The following VARS2 variants were observed in gnomAD, a reference collection of about 807,000 sequenced individuals.
The protein encoded by VARS2 is valyl-tRNA synthetase 2, mitochondrial, also known as valine--tRNA ligase, mitochondrial.
VARS2 carries 105 observed loss-of-function variants against 154.1 expected under a neutral mutation model. The observed-to-expected ratio is 0.68, with a 90% confidence interval of 0.58 to 0.80. The LOEUF (loss-of-function observed/expected upper bound fraction) is 0.80, where lower values mean the gene tolerates loss of function less well. Ranked by LOEUF, VARS2 falls within the 30% of genes least tolerant of loss-of-function variation. The pLI, the probability that VARS2 is intolerant of heterozygous loss-of-function variation, is 0.00. For missense variants in VARS2, 1,157 were observed against 1,361.4 expected (o/e 0.85, Z 2.36); for synonymous variants, 483 against 539.5 (o/e 0.90, Z 1.45).
rs1240783075 is a variant in VARS2 at position 30,916,490 on chromosome 6, A to G, written c.671+241A>G. The G allele has an allele frequency of 9.4e-6, 3 of 318,002 alleles. No homozygotes were observed. The highest frequency in any genetic ancestry group is 1.6e-5 in the Non-Finnish European group (3 of 181,932). The allele number at this position is 318,002 out of a possible 1,614,324, so 19.7% of individuals were successfully genotyped here. A position where few individuals can be genotyped will look rare whatever the true frequency, so the allele number is the denominator to read the frequency against. ...TGTGTGTGTGTGTATTTATATATAT[A>G]TATATATTTTCTTTCTCTTTACTTA... is the stretch of plus-strand genomic sequence containing the variant. On this transcript the variant is annotated intron_variant, in intron 7 of 29. Coordinates refer to ENST00000676266, the MANE Select transcript of VARS2 (RefSeq NM_020442.6). The surrounding 1 kb of genome is among the most constrained non-coding windows in gnomAD (Gnocchi z 4.0).
Position 30,917,684 on chromosome 6 carries a change from G to A in VARS2, c.874-11G>A, listed in dbSNP as rs545953541. 7 of 1,547,644 alleles carry A rather than the reference G, an allele frequency of 4.5e-6. No individual in the cohort carries two copies. Among genetic ancestry groups the A allele is most frequent in the African/African-American group, 2.7e-5 (2 of 72,782 alleles). On this transcript the variant is annotated splice_polypyrimidine_tract_variant and intron_variant, in intron 9 of 29. Transcript: ENST00000676266. The surrounding 1 kb of genome is among the most constrained non-coding windows in gnomAD (Gnocchi z 4.4). ...GGCTGCCCTCTGACCCAGCTTTCTC[G>A]GTGCCTCCAGGTGGAGAACCGGCCC...
At position 30,916,325 on chromosome 6, in the gene VARS2, A is replaced by C; in HGVS notation, c.671+76A>C. 8.0e-7 allele frequency: 1 copy of C among 1,255,306 alleles called. No individual in the cohort carries two copies. The highest frequency in any genetic ancestry group is 1.1e-6 in the Non-Finnish European group (1 of 906,608). 77.8% of individuals were successfully genotyped at this position (1,255,306 alleles called of 1,614,324 possible). ...TTGCCTCCCACCACTATCACTCCTGACTTGTAATCCTTGGCTCTTCCCGAC... is the reference window on the plus strand; with the variant it reads ...TTGCCTCCCACCACTATCACTCCTGCCTTGTAATCCTTGGCTCTTCCCGAC... On this transcript the variant is annotated intron_variant, in intron 7 of 29. Transcript: ENST00000676266. The surrounding 1 kb of genome is among the most constrained non-coding windows in gnomAD (Gnocchi z 4.0).
At chr6:30,924,323 C>G in intron 25 of VARS2, 31 bp from the exon 26 acceptor site, 3 of 1,608,984 alleles carry the variant, frequency 1.9e-6, no homozygotes, top group Non-Finnish European at 2.5e-6. Flanking sequence ...TGGCCCTGGA[C>G]CTGTCCTCTG....
At chr6:30,915,949 C>G (rs749268849) in intron 5 of VARS2, 32 bp from the exon 6 acceptor site, 17 of 1,614,100 alleles carry the variant, frequency 1.1e-5, no homozygotes, top group Non-Finnish European at 1.4e-5. Flanking sequence ...CATTTAAGCT[C>G]AGGGGCTCAC....
Position 30,922,563 on chromosome 6 carries a change from G to C in VARS2, c.2037+9G>C. ...GTGGGGTGGAGATGCAGGTGAGGAC[G>C]AAGCACCCACTAGAGGGACAAGGTT... On this transcript the variant is annotated intron_variant, in intron 21 of 29. Transcript: ENST00000676266. 1 of 1,557,736 alleles carries C rather than the reference G, an allele frequency of 6.4e-7. No homozygotes were observed. Among genetic ancestry groups the C allele is most frequent in the Non-Finnish European group, 8.7e-7 (1 of 1,151,814 alleles).
chr6:30,914,743 A>G (rs1373067056), intron 1 of VARS2, 67 bp from the exon 2 acceptor site: 19 of 1,441,238 alleles, frequency 1.3e-5, no homozygotes, highest in Non-Finnish European at 1.8e-5. Flanking sequence ...GACAGGAAAG[A>G]TGGAACAAGG....
In VARS2 at chr6:30,917,887, C is replaced by T; in HGVS notation, c.985+81C>T. On this transcript the variant is annotated intron_variant, in intron 10 of 29. Coordinates refer to ENST00000676266, the MANE Select transcript of VARS2 (RefSeq NM_020442.6). The surrounding 1 kb of genome is among the most constrained non-coding windows in gnomAD (Gnocchi z 4.4). ...AAGCCCATGTTGGGCTGCTAGGAAC[C>T]CATCAGTCCATCTCTCACATGTACC... The T allele has an allele frequency of 7.4e-7, 1 of 1,345,894 alleles. No homozygotes were observed. 83.4% of individuals were successfully genotyped at this position (1,345,894 alleles called of 1,614,324 possible).
rs1301441305 is a variant in VARS2, at chr6:30,926,429, G to C, written c.*219G>C. 3.4e-6 allele frequency: 2 copies of C among 595,468 alleles called. No homozygotes were observed. The highest frequency in any genetic ancestry group is 5.9e-5 in the Admixed American group (2 of 33,826). 36.9% of individuals were successfully genotyped at this position (595,468 alleles called of 1,614,324 possible). A position where few individuals can be genotyped will look rare whatever the true frequency, so the allele number is the denominator to read the frequency against. Reference sequence around the variant, plus strand: ...CTCCCACCTGGAAGTCTGGGAATGAGGAGATTGAGATAAACTTTTGAAATC... The same window carrying C: ...CTCCCACCTGGAAGTCTGGGAATGACGAGATTGAGATAAACTTTTGAAATC... On this transcript the variant is annotated 3_prime_UTR_variant, in exon 30 of 30. Coordinates refer to ENST00000676266, the MANE Select transcript of VARS2 (RefSeq NM_020442.6).
At position 30,918,896 on chromosome 6, in the gene VARS2, C is replaced by T; in HGVS notation, c.1055C>T (p.Pro352Leu). The T allele has an allele frequency of 6.2e-7, 1 of 1,612,938 alleles. No individual in the cohort carries two copies. ...LPGDVAVAVH[P>L]DDSRYTHLHG... Reference sequence around the variant, plus strand: ...GGAGATGTGGCTGTGGCCGTTCATCCAGACGACTCGCGATACACAGTAATA... The same window carrying T: ...GGAGATGTGGCTGTGGCCGTTCATCTAGACGACTCGCGATACACAGTAATA... The change falls in exon 11 of 30, where the codon CCA becomes CTA. Residue 352 changes from proline (P) to leucine (L), a missense_variant. By Grantham distance (98) the Pro-to-Leu change is moderately conservative. Coordinates refer to ENST00000676266, the MANE Select transcript of VARS2 (RefSeq NM_020442.6).
In VARS2 at chr6:30,921,908, CTT is replaced by C. The variant is rs1358192582; in HGVS notation, c.1736-13_1736-12del. The C allele has an allele frequency of 2.5e-6, 4 of 1,612,830 alleles. No individual in the cohort carries two copies. Among genetic ancestry groups the C allele is most frequent in the Non-Finnish European group, 3.4e-6 (4 of 1,179,964 alleles). ...AGCCAAGGTTCCAACTGTCCCCATT[CTT>C]TTTCTGTTTCCCAGATCCTGATGTC... On this transcript the variant is annotated splice_polypyrimidine_tract_variant and intron_variant, in intron 18 of 29. Transcript: ENST00000676266. This position sits in a 1 kb window ranked among gnomAD's most constrained non-coding sequence, Gnocchi z 4.6.
rs759488260 is a variant in VARS2, at chr6:30,922,143, CT to C, written c.1835del (p.Leu612ArgfsTer48). 84 of 1,612,622 alleles carry C rather than the reference CT, an allele frequency of 5.2e-5. No individual in the cohort carries two copies. The highest frequency in any genetic ancestry group is 6.6e-5 in the Non-Finnish European group (78 of 1,179,932). On this transcript the variant is annotated frameshift_variant, in exon 20 of 30. Transcript: ENST00000676266. LOFTEE classifies it high-confidence loss of function. ...CCCAGACCTTGCTCGTTTCTACCCC[CT>C]GTCACTTTTGGAAACGGGCAGCGAC... ...ETPDLARFYP[L>X]SLLETGSDLL...
At position 30,920,266 on chromosome 6, in the gene VARS2, A is replaced by G. The variant is rs1175931587; in HGVS notation, c.1293+50A>G. 2.6e-6 allele frequency: 4 copies of G among 1,566,480 alleles called. No individual in the cohort carries two copies. Among genetic ancestry groups the G allele is most frequent in the East Asian group, 2.3e-5 (1 of 44,444 alleles). On this transcript the variant is annotated intron_variant, in intron 13 of 29. Coordinates refer to ENST00000676266, the MANE Select transcript of VARS2 (RefSeq NM_020442.6). The surrounding 1 kb of genome is among the most constrained non-coding windows in gnomAD (Gnocchi z 4.6). ...TCCTTTGGGGGCTCTCTGTCCCCCTAATCCTCCTCCTAGTTTCTTATTTCT... is the reference window on the plus strand; with the variant it reads ...TCCTTTGGGGGCTCTCTGTCCCCCTGATCCTCCTCCTAGTTTCTTATTTCT...
Position 30,919,747 on chromosome 6 carries a change from C to T in VARS2, c.1075-11C>T. The T allele has an allele frequency of 6.4e-7, 1 of 1,553,334 alleles. No individual in the cohort carries two copies. The highest frequency in any genetic ancestry group is 8.7e-7 in the Non-Finnish European group (1 of 1,144,932). On this transcript the variant is annotated splice_polypyrimidine_tract_variant and intron_variant, in intron 11 of 29. Coordinates refer to ENST00000676266, the MANE Select transcript of VARS2 (RefSeq NM_020442.6). This position sits in a 1 kb window ranked among gnomAD's most constrained non-coding sequence, Gnocchi z 4.5. ...AGGTGCCTGTCCTTGATCCCTCTCC[C>T]TTCCCTTCAGCATCTACACGGGCGA...
chr6:30,920,572 C>T lies in VARS2; in HGVS notation c.1398-96C>T. ...TGTCGGTTTTATTCGCTATTGTATC[C>T]TCAGTACCAAGGGCCTGGCATGGCA... On this transcript the variant is annotated intron_variant, in intron 14 of 29. Coordinates refer to ENST00000676266, the MANE Select transcript of VARS2 (RefSeq NM_020442.6). This position sits in a 1 kb window ranked among gnomAD's most constrained non-coding sequence, Gnocchi z 4.6. 7.3e-7 allele frequency: 1 copy of T among 1,360,794 alleles called. No homozygotes were observed. Among genetic ancestry groups the T allele is most frequent in the Non-Finnish European group, 1.0e-6 (1 of 1,004,768 alleles). The allele number at this position is 1,360,794 out of a possible 1,614,324, so 84.3% of individuals were successfully genotyped here.
Position 30,922,771 on chromosome 6 carries a change from A to G in VARS2, c.2103A>G (p.Ala701=), listed in dbSNP as rs748136320. The change falls in exon 22 of 30, where the codon GCA becomes GCG. Residue 701 remains alanine, a synonymous_variant. Transcript: ENST00000676266. The part of the protein sequence containing the change: ...DPAELAIVAA[A]QKKDFPHGIP... ...CAGAGCTGGCCATTGTGGCTGCAGC[A>G]CAGGTGAGTCATCGCTGCCTGCCCC... 5 of 1,610,002 alleles carry G rather than the reference A, an allele frequency of 3.1e-6. No homozygotes were observed. The Admixed American group carries it at 5.0e-5, about 16-fold the overall frequency.
Position 30,916,804 on chromosome 6 carries a change from T to TG in VARS2, c.672-69dup. 1.4e-6 allele frequency: 2 copies of TG among 1,477,068 alleles called. No homozygotes were observed. The highest frequency in any genetic ancestry group is 1.9e-6 in the Non-Finnish European group (2 of 1,055,822). 91.5% of individuals were successfully genotyped at this position (1,477,068 alleles called of 1,614,324 possible). On this transcript the variant is annotated intron_variant, in intron 7 of 29. Coordinates refer to ENST00000676266, the MANE Select transcript of VARS2 (RefSeq NM_020442.6). The surrounding 1 kb of genome is among the most constrained non-coding windows in gnomAD (Gnocchi z 4.0). ...ATTTTCCTCCAACACCTGGCATTGCTGGGGGCATCGCTGGGCCTGGTACAT... is the reference window on the plus strand; with the variant it reads ...ATTTTCCTCCAACACCTGGCATTGCTGGGGGGCATCGCTGGGCCTGGTACAT...
At chr6:30,925,238 G>GCCCCTTTGCCAATTCTGGGTCCC (rs1794759290) in intron 26 of VARS2, 36 bp from the exon 27 acceptor site, 1 of 1,549,152 alleles carries the variant, frequency 6.5e-7, no homozygotes, top group Non-Finnish European at 8.8e-7. Flanking sequence ...TCTCCCAGGA[G>GCCCCTTTGCCAATTCTGGGTCCC]CCCCTTTGCC....
intron 10 of VARS2, chr6:30,918,614 C>T (rs977474685): frequency 5.7e-5 from 37 of 645,882 alleles, no homozygotes; most frequent in Admixed American, 2.4e-4. Flanking sequence ...TCTTTAGCAC[C>T]AGAGACCCTC....
chr6:30,925,827 G>A, intron 28 of VARS2, 53 bp from the exon 29 acceptor site: 1 of 1,611,284 alleles, frequency 6.2e-7, no homozygotes. Flanking sequence ...AATGGAGGAT[G>A]GAGGCCTGGC....
Sources: gnomAD v4.1 joint callset for allele counts on GRCh38, gnomAD v4.1.1 for gene constraint, Gnocchi (gnomAD v3.1) non-coding constraint, MANE v1.5 for transcripts, NCBI Gene and HGNC (gene_info 2026-07-23, HGNC 2026-07-21) for gene names.